NXPE2: variants seen among roughly 807,000 people sequenced by gnomAD.
NXPE2 encodes the protein neurexophilin and PC-esterase domain family member 2, also known as NXPE family member 2.
In NXPE2, 34 loss-of-function variants were observed where a neutral mutation model predicts 34.4. That is an observed-to-expected ratio of 0.99 (90% CI 0.75 to 1.31). The LOEUF is 1.31. Ranked by LOEUF, NXPE2 falls within the 40% of genes most tolerant of loss-of-function variation. The pLI is 0.00. For missense variants in NXPE2, 649 were observed against 672.5 expected (o/e 0.97, Z 0.39); for synonymous variants, 235 against 231.3 (o/e 1.02, Z -0.15).
the NXPE2 span, chr11:114,553,852 T>C: frequency 2.1e-6 from 2 of 958,080 alleles, no homozygotes; most frequent in African/African-American, 3.5e-5. Flanking sequence ...GACATCATCT[T>C]GGTAGCTTGA....
the NXPE2 span, among the ~76,000 whole-genome samples, chr11:114,588,755 C>G: frequency 6.6e-6 from 1 of 152,284 alleles, no homozygotes; most frequent in Middle Eastern, 3.4e-3. Flanking sequence ...GACCAAAATC[C>G]AGGTAAGAAT....
chr11:114,718,187 A>G, the NXPE2 span, among the ~76,000 whole-genome samples: 1 of 152,174 alleles, frequency 6.6e-6, no homozygotes, highest in African/African-American at 2.4e-5. Context: ...TCAAATCCCA[A>G]CCTGGTTCCT....
chr11:114,488,089 T>C, the NXPE2 span, among the ~76,000 whole-genome samples: 2 of 152,154 alleles, frequency 1.3e-5, no homozygotes, highest in African/African-American at 4.8e-5. Context: ...CTATTCATTC[T>C]TTAAACACTT....
chr11:114,530,859 G>C, the NXPE2 span: 1 of 1,613,762 alleles, frequency 6.2e-7, no homozygotes, highest in East Asian at 2.2e-5. Flanking sequence ...GGACTTTGCG[G>C]AGTTGTTCCA....
At chr11:114,596,166 T>C in the NXPE2 span, among the ~76,000 whole-genome samples, 1 of 152,176 alleles carries the variant, frequency 6.6e-6, no homozygotes, top group Non-Finnish European at 1.5e-5. Context: ...ACATAGTAGG[T>C]TTCAATACAA....
the NXPE2 span, among the ~76,000 whole-genome samples, chr11:114,512,084 G>A: frequency 6.6e-6 from 1 of 152,194 alleles, no homozygotes; most frequent in Non-Finnish European, 1.5e-5. Context: ...GAGCATGGTA[G>A]AAAGTGCCGG....
chr11:114,654,970 T>C, the NXPE2 span, among the ~76,000 whole-genome samples: 7 of 152,218 alleles, frequency 4.6e-5, no homozygotes, highest in African/African-American at 1.7e-4. Flanking sequence ...CTCTACAGCC[T>C]TGCCAGCACC....
At chr11:114,571,159 TG>T in the NXPE2 span, 1 of 1,614,030 alleles carries the variant, frequency 6.2e-7, no homozygotes, top group African/African-American at 1.3e-5. Context: ...TCTGTTTTGA[TG>T]ATAACCATAG....
the NXPE2 span, chr11:114,528,825 G>A: frequency 2.9e-6 from 2 of 678,716 alleles, no homozygotes; most frequent in East Asian, 2.7e-5. Flanking sequence ...GTCTCTCCAG[G>A]TGCCATCCTG....
the NXPE2 span, among the ~76,000 whole-genome samples, chr11:114,661,443 T>C: frequency 2.0e-5 from 3 of 152,170 alleles, no homozygotes; most frequent in African/African-American, 7.2e-5. Context: ...CTAGGATCCA[T>C]GGTGAGCCAG....
chr11:114,633,714 G>A, the NXPE2 span, among the ~76,000 whole-genome samples: 6 of 151,492 alleles, frequency 4.0e-5, no homozygotes, highest in South Asian at 2.1e-4. Flanking sequence ...AACATGTGGC[G>A]TTTGGTTTTT....
At chr11:114,641,089 T>C in the NXPE2 span, among the ~76,000 whole-genome samples, 1 of 151,976 alleles carries the variant, frequency 6.6e-6, no homozygotes, top group African/African-American at 2.4e-5. Flanking sequence ...GTCTGAAAAG[T>C]ATAATAACTG....
the NXPE2 span, among the ~76,000 whole-genome samples, chr11:114,489,636 G>A: frequency 1.3e-5 from 2 of 152,120 alleles, no homozygotes; most frequent in Non-Finnish European, 1.5e-5. Context: ...ATGCAGAAAA[G>A]GCCTTTGACA....
the NXPE2 span, among the ~76,000 whole-genome samples, chr11:114,538,974 C>T: frequency 6.6e-6 from 1 of 151,136 alleles, no homozygotes; most frequent in Non-Finnish European, 1.5e-5. Flanking sequence ...GCTATAAAGA[C>T]ACATGCACAC....
At chr11:114,522,200 G>C in the NXPE2 span, 6 of 1,614,026 alleles carry the variant, frequency 3.7e-6, no homozygotes, top group South Asian at 2.2e-5. Context: ...AATCACTTTA[G>C]TGGCTGGGCT....
chr11:114,648,436 C>A, the NXPE2 span, among the ~76,000 whole-genome samples: 2 of 152,168 alleles, frequency 1.3e-5, no homozygotes, highest in African/African-American at 4.8e-5. Context: ...GACTTTTGTT[C>A]TATTCAGGCT....
At chr11:114,547,379 A>T in the NXPE2 span, among the ~76,000 whole-genome samples, 2 of 152,238 alleles carry the variant, frequency 1.3e-5, no homozygotes, top group Non-Finnish European at 2.9e-5. Context: ...ATACCAGACC[A>T]CTGTTCCTTA....
chr11:114,811,651 C>G, the NXPE2 span, among the ~76,000 whole-genome samples: 2 of 152,044 alleles, frequency 1.3e-5, no homozygotes, highest in East Asian at 3.9e-4. Context: ...TGGGGACTTA[C>G]AAGTGCAAAC....
chr11:114,518,151 T>A, the NXPE2 span: 1 of 152,238 alleles, frequency 6.6e-6, no homozygotes, highest in Non-Finnish European at 1.5e-5. Context: ...GCACTCCTTT[T>A]TCCTTACCAA....
Sources: allele counts gnomAD v4.1 joint callset (sites outside exome capture counted in the v4.1 genomes callset), GRCh38; gene constraint gnomAD v4.1.1; transcripts MANE v1.5; gene names NCBI Gene and HGNC (gene_info 2026-07-23, HGNC 2026-07-21).